The following SESN1 variants were observed in gnomAD, a reference collection of about 807,000 sequenced individuals.
SESN1 encodes the protein sestrin-1.
Under a neutral mutation model 59.3 loss-of-function variants are expected in SESN1, and 30 were observed. The ratio of observed to expected loss-of-function variants is 0.51; its 90% confidence interval spans 0.38 to 0.69. The LOEUF is 0.69. SESN1 is among the 30% of genes least tolerant of loss of function. SESN1 has a pLI of 0.00. For missense variants in SESN1, 566 were observed against 673.0 expected (o/e 0.84, Z 1.76); for synonymous variants, 197 against 219.9 (o/e 0.90, Z 0.92).
chr6:109,069,193 C>T (rs1283319217), intron 1 of SESN1, among the ~76,000 whole-genome samples: 1 of 151,650 alleles, frequency 6.6e-6, no homozygotes, highest in Admixed American at 6.6e-5. Context: ...GTTAACAATA[C>T]GTGACTCTAG....
chr6:109,022,871 T>G (rs1310732567), intron 1 of SESN1, among the ~76,000 whole-genome samples: 1 of 152,168 alleles, frequency 6.6e-6, no homozygotes, highest in African/African-American at 2.4e-5. Flanking sequence ...TCAAGCATAT[T>G]CTTTCTACTA....
intron 5 of SESN1, among the ~76,000 whole-genome samples, chr6:108,996,667 A>G (rs928474014): frequency 7.9e-5 from 12 of 152,162 alleles, no homozygotes; most frequent in African/African-American, 2.9e-4. Flanking sequence ...TTTTAATATT[A>G]AAATGTTAAA....
At chr6:109,091,390 C>T (rs569673930) in intron 1 of SESN1, among the ~76,000 whole-genome samples, 199 of 152,238 alleles carry the variant, frequency 1.3e-3, no homozygotes, top group African/African-American at 4.5e-3. Context: ...CAGAGTGTAT[C>T]ACCATCATTA....
intron 1 of SESN1, among the ~76,000 whole-genome samples, chr6:109,024,978 G>C (rs1241994784): frequency 6.6e-6 from 1 of 152,110 alleles, no homozygotes; most frequent in Non-Finnish European, 1.5e-5. Flanking sequence ...AAAACCCACC[G>C]ACAGGAGGAG....
At chr6:109,010,680 C>G (rs1455916909) in intron 1 of SESN1, among the ~76,000 whole-genome samples, 1 of 152,184 alleles carries the variant, frequency 6.6e-6, no homozygotes, top group Non-Finnish European at 1.5e-5. Context: ...TATATGTTCT[C>G]TATACTGCTT....
intron 1 of SESN1, among the ~76,000 whole-genome samples, chr6:109,013,134 T>C (rs1583272479): frequency 6.7e-6 from 1 of 148,248 alleles, no homozygotes. Flanking sequence ...AATGAGGGAG[T>C]GTTAAGCTTC....
chr6:108,997,668 G>A (rs1419621413), intron 5 of SESN1, among the ~76,000 whole-genome samples: 5 of 152,062 alleles, frequency 3.3e-5, no homozygotes, highest in Admixed American at 2.0e-4. Context: ...TAACTTGCCC[G>A]AAGTCAAATA....
intron 1 of SESN1, among the ~76,000 whole-genome samples, chr6:109,018,381 G>T (rs1470462332): frequency 6.6e-6 from 1 of 152,220 alleles, no homozygotes; most frequent in Non-Finnish European, 1.5e-5. Flanking sequence ...ATTAGGAGGG[G>T]TATAGTTTAT....
At chr6:108,989,643 AAAT>A (rs1255109021) in intron 8 of SESN1, among the ~76,000 whole-genome samples, 12 of 150,368 alleles carry the variant, frequency 8.0e-5, no homozygotes, top group African/African-American at 2.7e-4. Flanking sequence ...TTGTATAAAT[AAAT>A]AAAATAAAAA....
intron 1 of SESN1, among the ~76,000 whole-genome samples, chr6:109,016,622 C>T (rs1370726397): frequency 6.6e-6 from 1 of 152,148 alleles, no homozygotes; most frequent in East Asian, 1.9e-4. Context: ...AATTCTCACT[C>T]TGTGGGCCAT....
intron 1 of SESN1, chr6:109,059,678 T>A (rs1474110818): frequency 3.3e-5 from 5 of 152,156 alleles, no homozygotes; most frequent in African/African-American, 4.8e-5. Flanking sequence ...ACTCCTTACA[T>A]CATACTTAGA....
chr6:108,991,270 C>G (rs1223159045), intron 7 of SESN1, among the ~76,000 whole-genome samples: 1 of 151,932 alleles, frequency 6.6e-6, no homozygotes, highest in African/African-American at 2.4e-5. Context: ...GAGACAAGGT[C>G]TCACTATGTT....
chr6:109,085,839 A>C (rs1562477559), intron 1 of SESN1, among the ~76,000 whole-genome samples: 1 of 152,190 alleles, frequency 6.6e-6, no homozygotes, highest in Non-Finnish European at 1.5e-5. Flanking sequence ...ATGTACTTCC[A>C]GCAGCACTTT....
At chr6:109,079,909 T>A (rs1459738004) in intron 1 of SESN1, among the ~76,000 whole-genome samples, 1 of 152,248 alleles carries the variant, frequency 6.6e-6, no homozygotes, top group Non-Finnish European at 1.5e-5. Context: ...GAGCTCAATG[T>A]AATTATACAA....
At chr6:108,996,049 T>C (rs1454038947) in intron 5 of SESN1, among the ~76,000 whole-genome samples, 1 of 152,204 alleles carries the variant, frequency 6.6e-6, no homozygotes. Flanking sequence ...ACTCGCATGA[T>C]ATTGATTTAA....
intron 1 of SESN1, chr6:109,059,559 T>C (rs1445743789): frequency 6.6e-6 from 1 of 152,164 alleles, no homozygotes; most frequent in East Asian, 1.9e-4. Flanking sequence ...TGCAGGGGCA[T>C]GCTAATTTTC....
At chr6:109,008,904 T>C (rs1361146539) in intron 1 of SESN1, 1 of 986,838 alleles carries the variant, frequency 1.0e-6, no homozygotes, top group Non-Finnish European at 1.2e-6. Context: ...CTCTTTTAAG[T>C]AGGAGGCAAA....
chr6:109,050,811 C>T (rs1424468595), intron 1 of SESN1, among the ~76,000 whole-genome samples: 1 of 152,192 alleles, frequency 6.6e-6, no homozygotes, highest in East Asian at 1.9e-4. Context: ...CACTCATCCA[C>T]CACTAGCATC....
At chr6:109,041,649 T>C (rs1324412019) in intron 1 of SESN1, among the ~76,000 whole-genome samples, 2 of 151,874 alleles carry the variant, frequency 1.3e-5, no homozygotes, top group Non-Finnish European at 2.9e-5. Flanking sequence ...ACCAAGAATA[T>C]ATAGCAATAC....
Sources: gnomAD v4.1 joint callset for allele counts (sites outside exome capture counted in the v4.1 genomes callset) on GRCh38, gnomAD v4.1.1 for gene constraint, MANE v1.5 for transcripts, NCBI Gene and HGNC (gene_info 2026-07-23, HGNC 2026-07-21) for gene names.